Variants in SLC3A2 observed in about 807,000 individuals in gnomAD.
SLC3A2 encodes the protein solute carrier family 3 member 2.
In SLC3A2, 32 loss-of-function variants were observed where a neutral mutation model predicts 48.5. The observed-to-expected ratio is 0.66, with a 90% CI of 0.50 to 0.89. The LOEUF (loss-of-function observed/expected upper bound fraction) is 0.89, where lower values mean the gene tolerates loss of function less well. Ranked by LOEUF, SLC3A2 falls within the 40% of genes least tolerant of loss-of-function variation. The probability of loss-of-function intolerance (pLI) is 0.00; values close to 1 mark genes in which losing one functional copy is unlikely to be tolerated. For synonymous variants in SLC3A2, 277 were observed against 288.8 expected, an observed-to-expected ratio of 0.96 and a Z score of 0.41; for missense variants, 587 against 680.7, an observed-to-expected ratio of 0.86 and a Z score of 1.53.
In SLC3A2 at chr11:62,881,159, A is replaced by G. The variant is rs1372578402; in HGVS notation, c.136A>G (p.Lys46Glu). The change falls in exon 1 of 9, where the codon AAG becomes GAG. Residue 46 changes from lysine (K) to glutamate (E), a missense_variant. Physicochemically the swap from Lys to Glu is moderately conservative, Grantham distance 56 (BLOSUM62 1). Around this residue, in one of 3 missense-constraint regions of SLC3A2, gnomAD observed 409 missense variants for 446.7 expected, o/e 0.92. Transcript: ENST00000338663. The surrounding 1 kb of genome is among the most constrained non-coding windows in gnomAD (Gnocchi z 4.0). The stretch of plus-strand genomic sequence containing the variant: ...CGAGAAGAATGGTCTGGTGAAGATC[A>G]AGGTGGCGGAAGACGAGGCGGAGGC... Reference protein sequence around the residue: ...GAEKNGLVKIKVAEDEAEAAA... With the variant: ...GAEKNGLVKIEVAEDEAEAAA... 1 of 1,592,400 alleles carries G rather than the reference A, an allele frequency of 6.3e-7. No homozygotes were observed. The highest frequency in any genetic ancestry group is 1.8e-5 in the Admixed American group (1 of 54,994).
intron 5 of SLC3A2, 122 bp downstream of exon 5, chr11:62,884,812 GCTTTTTTTTT>G (rs2085686828): frequency 1.0e-5 from 1 of 98,728 alleles, no homozygotes; most frequent in Non-Finnish European, 1.8e-5. Flanking sequence ...TCTTTCTTTA[GCTTTTTTTTT>G]TTTTTTTTTT....
intron 1 of SLC3A2, among the ~76,000 whole-genome samples, chr11:62,868,814 A>G (rs1426211076): frequency 6.6e-6 from 1 of 151,950 alleles, no homozygotes; most frequent in Non-Finnish European, 1.5e-5. Context: ...ATGAAATTCT[A>G]TTTTCTTGCC....
At chr11:62,858,408 G>A (rs2085361540) in intron 1 of SLC3A2, among the ~76,000 whole-genome samples, 1 of 152,130 alleles carries the variant, frequency 6.6e-6, no homozygotes. Context: ...ATTTACTCAC[G>A]TTGAAATGTT....
At chr11:62,873,293 C>T (rs561115037) in intron 1 of SLC3A2, among the ~76,000 whole-genome samples, 2 of 152,008 alleles carry the variant, frequency 1.3e-5, no homozygotes, top group African/African-American at 4.8e-5. Context: ...TCGAGAACAG[C>T]CTGGCCAACA....
At chr11:62,873,519 G>A (rs2085539349) in intron 1 of SLC3A2, among the ~76,000 whole-genome samples, 1 of 151,970 alleles carries the variant, frequency 6.6e-6, no homozygotes, top group African/African-American at 2.4e-5. Context: ...TACAGACAAG[G>A]TCTCACTATA....
intron 1 of SLC3A2, chr11:62,856,415 C>G (rs1451877925): frequency 6.4e-7 from 1 of 1,568,440 alleles, no homozygotes; most frequent in East Asian, 2.3e-5. Context: ...GGGAGGAGGT[C>G]CCCTTTGGTG....
Position 62,884,620 on chromosome 11 carries a change from T to C in SLC3A2, c.760-12T>C. ...TATTCTCTGGTCCTTGATTCTGCTT[T>C]TTTCTTTCTAGGATGCATCCTCATT... On this transcript the variant is annotated splice_polypyrimidine_tract_variant and intron_variant, in intron 4 of 8. Transcript: ENST00000338663. 6.2e-7 allele frequency: 1 copy of C among 1,611,316 alleles called. No individual in the cohort carries two copies. Among genetic ancestry groups the C allele is most frequent in the Admixed American group, 1.7e-5 (1 of 59,770 alleles).
At position 62,884,475 on chromosome 11, in the gene SLC3A2, C is replaced by G. The variant is rs2085680550; in HGVS notation, c.709C>G (p.Leu237Val). 2.5e-6 allele frequency: 4 copies of G among 1,614,078 alleles called. No individual in the cohort carries two copies. The highest frequency in any genetic ancestry group is 3.4e-6 in the Non-Finnish European group (4 of 1,180,046). The change falls in exon 4 of 9, where the codon CTG becomes GTG. Residue 237 changes from leucine (L) to valine (V), a missense_variant. This residue lies in a region of SLC3A2 where 409 missense variants were observed against 446.7 expected (regional missense o/e 0.92). Transcript: ENST00000338663. Reference sequence around the variant, plus strand: ...CCTATAGGATGCTCTGGAGTTTTGGCTGCAAGCTGGCGTGGATGGGTTCCA... The same window carrying G: ...CCTATAGGATGCTCTGGAGTTTTGGGTGCAAGCTGGCGTGGATGGGTTCCA... ...TKVKDALEFW[L>V]QAGVDGFQVR... is the part of the protein sequence containing the mutation.
chr11:62,866,522 A>G (rs1200194386), intron 1 of SLC3A2, among the ~76,000 whole-genome samples: 1 of 151,968 alleles, frequency 6.6e-6, no homozygotes, highest in South Asian at 2.1e-4. Context: ...CAGCCTCCCA[A>G]GTAGCTGGGA....
At chr11:62,867,470 C>T (rs976146459) in intron 1 of SLC3A2, among the ~76,000 whole-genome samples, 2 of 151,472 alleles carry the variant, frequency 1.3e-5, no homozygotes, top group Non-Finnish European at 2.9e-5. Flanking sequence ...GGATTACAGG[C>T]GTGCACCATC....
At chr11:62,868,029 C>A (rs1452430176) in intron 1 of SLC3A2, among the ~76,000 whole-genome samples, 1 of 151,852 alleles carries the variant, frequency 6.6e-6, no homozygotes, top group South Asian at 2.1e-4. Context: ...TCAAGTGATT[C>A]TCCTGCCTCA....
chr11:62,871,728 T>A, intron 1 of SLC3A2: 1 of 517,656 alleles, frequency 1.9e-6, no homozygotes, highest in Non-Finnish European at 3.4e-6. Flanking sequence ...TCTTTAAAAA[T>A]ACGATTTTTT....
chr11:62,884,144 C>T lies in SLC3A2; in HGVS notation c.691-313C>T, dbSNP rs2085676942. The T allele has an allele frequency of 9.5e-6, 5 of 525,574 alleles. No individual in the cohort carries two copies. In the East Asian group the frequency reaches 1.3e-4, roughly 13 times the overall value. 32.6% of individuals were successfully genotyped at this position (525,574 alleles called of 1,614,324 possible). A position where few individuals can be genotyped will look rare whatever the true frequency, so the allele number is the denominator to read the frequency against. ...TAACATTCCAATGCTAAGTGTTAAA[C>T]GAAGTTATGTTTATGGACATACCTT... On this transcript the variant is annotated intron_variant, in intron 3 of 8. Coordinates refer to ENST00000338663, the MANE Select transcript of SLC3A2 (RefSeq NM_001013251.3).
rs2085744405 is a variant in SLC3A2 at position 62,888,467 on chromosome 11, A to G, written c.1364A>G (p.His455Arg). 6.2e-7 allele frequency: 1 copy of G among 1,614,184 alleles called. No homozygotes were observed. ...CCTGGACTCTTCTCCTATATCCGCC[A>G]CTGGGACCAGAATGAGCGTTTTCTG... ...AGPGLFSYIR[H>R]WDQNERFLVV... is the part of the protein sequence containing the mutation. Residue 455 changes from histidine (H) to arginine (R), a missense_variant, in exon 9 of 9, where the codon CAC (histidine) becomes CGC (arginine). Coordinates refer to ENST00000338663, the MANE Select transcript of SLC3A2 (RefSeq NM_001013251.3).
Position 62,881,002 on chromosome 11 carries a change from T to C in SLC3A2, c.-22T>C. ...CACCATCTGACCGCAAGCTGCGTCG[T>C]GTCGCCGGTTCTGCAGGCACCATGA... On this transcript the variant is annotated 5_prime_UTR_variant, in exon 1 of 9. Transcript: ENST00000338663. This position sits in a 1 kb window ranked among gnomAD's most constrained non-coding sequence, Gnocchi z 4.0. The C allele has an allele frequency of 6.5e-7, 1 of 1,540,878 alleles. No individual in the cohort carries two copies. The highest frequency in any genetic ancestry group is 8.8e-7 in the Non-Finnish European group (1 of 1,141,108).
intron 7 of SLC3A2, among the ~76,000 whole-genome samples, chr11:62,886,861 A>G (rs2085721190): frequency 1.3e-5 from 2 of 152,046 alleles, no homozygotes; most frequent in Admixed American, 1.3e-4. Flanking sequence ...GATCTCCCAA[A>G]TTGCTGGGAC....
chr11:62,888,388 C>T lies in SLC3A2; in HGVS notation c.1285C>T (p.Arg429Trp), dbSNP rs745372048. 5 of 1,614,182 alleles carry T rather than the reference C, an allele frequency of 3.1e-6. No individual in the cohort carries two copies. Among genetic ancestry groups the T allele is most frequent in the East Asian group, 2.2e-5 (1 of 44,884 alleles). ...LSLFRRLSDQ[R>W]SKERSLLHGD... The stretch of plus-strand genomic sequence containing the variant: ...CTTGTTCCGGCGGCTGAGTGACCAG[C>T]GGAGTAAGGAGCGCTCCCTACTGCA... Residue 429 changes from arginine (R) to tryptophan (W), a missense_variant, in exon 9 of 9, where the codon CGG (arginine) becomes TGG (tryptophan). This residue lies in a region of SLC3A2 where 169 missense variants were observed against 204.4 expected (regional missense o/e 0.83). Coordinates refer to ENST00000338663, the MANE Select transcript of SLC3A2 (RefSeq NM_001013251.3).
At chr11:62,885,143 G>T (rs916604507) in intron 5 of SLC3A2, 34 bp from the exon 6 acceptor site, 1 of 1,609,690 alleles carries the variant, frequency 6.2e-7, no homozygotes, top group Non-Finnish European at 8.5e-7. Flanking sequence ...ATTCTTTCTT[G>T]TGCTAACCTT....
intron 1 of SLC3A2, chr11:62,870,858 T>TAATAATAATA (rs757295460): frequency 7.7e-6 from 1 of 129,872 alleles, no homozygotes; most frequent in East Asian, 2.1e-4. Flanking sequence ...TAATAATAAT[T>TAATAATAATA]ATTATTATTA....
Sources: allele counts gnomAD v4.1 joint callset (sites outside exome capture counted in the v4.1 genomes callset), GRCh38; gene constraint gnomAD v4.1.1; regional missense constraint gnomAD v4.1.1; non-coding constraint Gnocchi (gnomAD v3.1); transcripts MANE v1.5; gene names NCBI Gene and HGNC (gene_info 2026-07-23, HGNC 2026-07-21).